The following TULP4 variants were observed in gnomAD, a reference collection of about 807,000 sequenced individuals.
TULP4 encodes the protein tubby-related protein 4.
Under a neutral mutation model 129.0 loss-of-function variants are expected in TULP4, and 16 were observed. That is an observed-to-expected ratio of 0.12 (90% CI 0.08 to 0.19). The LOEUF is 0.19. Ranked by LOEUF, TULP4 falls within the 10% of genes least tolerant of loss-of-function variation. TULP4 has a pLI of 1.00. For missense variants in TULP4, 1,842 were observed against 2,059.1 expected, an observed-to-expected ratio of 0.89 and a Z score of 2.04; for synonymous variants, 998 against 854.0, an observed-to-expected ratio of 1.17 and a Z score of -2.94.
intron 1 of TULP4, among the ~76,000 whole-genome samples, chr6:158,289,612 A>G (rs1778895614): frequency 6.6e-6 from 1 of 152,048 alleles, no homozygotes; most frequent in Non-Finnish European, 1.5e-5. Flanking sequence ...ACAGCGTCTC[A>G]TTTTGTGGTC....
At chr6:158,428,618 ATT>A (rs373847644) in intron 2 of TULP4, among the ~76,000 whole-genome samples, 3 of 150,266 alleles carry the variant, frequency 2.0e-5, no homozygotes, top group Non-Finnish European at 3.0e-5. Flanking sequence ...TTTCAGTTAG[ATT>A]TTTTTTTTTC....
At chr6:158,435,958 G>A (rs1419627311) in intron 3 of TULP4, among the ~76,000 whole-genome samples, 1 of 150,482 alleles carries the variant, frequency 6.6e-6, no homozygotes, top group Non-Finnish European at 1.5e-5. Context: ...GTGGAGTCTC[G>A]CTCTGTCGCC....
chr6:158,452,058 C>T, intron 4 of TULP4, 76 bp from the exon 5 acceptor site: 1 of 1,579,118 alleles, frequency 6.3e-7, no homozygotes, highest in Non-Finnish European at 8.6e-7. Context: ...AGGCACCATG[C>T]AAGATTTCAG....
chr6:158,409,870 T>G (rs973112496), intron 1 of TULP4, among the ~76,000 whole-genome samples: 2 of 152,268 alleles, frequency 1.3e-5, no homozygotes, highest in Non-Finnish European at 2.9e-5. Flanking sequence ...CTTTTTTTTT[T>G]TTAGAGGTGG....
At chr6:158,481,425 C>A in intron 8 of TULP4, 136 bp downstream of exon 8, 1 of 765,730 alleles carries the variant, frequency 1.3e-6, no homozygotes, top group South Asian at 1.6e-5. Context: ...ATCCTTGAAG[C>A]TACGACATTT....
At chr6:158,388,383 G>C (rs1020348050) in intron 1 of TULP4, among the ~76,000 whole-genome samples, 1 of 135,562 alleles carries the variant, frequency 7.4e-6, no homozygotes, top group Non-Finnish European at 1.5e-5. Flanking sequence ...AGGCTGGAGT[G>C]CAGTGGGGTG....
At chr6:158,388,727 T>G (rs1777515945) in intron 1 of TULP4, among the ~76,000 whole-genome samples, 1 of 152,116 alleles carries the variant, frequency 6.6e-6, no homozygotes, top group Non-Finnish European at 1.5e-5. Context: ...ACAAATCACT[T>G]GAAAAATAAA....
At chr6:158,506,205 G>T (rs968115426) in intron 13 of TULP4, among the ~76,000 whole-genome samples, 10 of 144,032 alleles carry the variant, frequency 6.9e-5, no homozygotes, top group Non-Finnish European at 7.5e-5. Flanking sequence ...CCCGGCTGTC[G>T]CCTTGCTCGC....
At chr6:158,246,221 GC>G (rs1240987934) in intron 1 of TULP4, among the ~76,000 whole-genome samples, 1 of 152,126 alleles carries the variant, frequency 6.6e-6, no homozygotes, top group Non-Finnish European at 1.5e-5. Context: ...ATACATCTGG[GC>G]CGGGCATGGT....
chr6:158,439,700 C>CTTTT lies in TULP4; in HGVS notation c.544-9270_544-9267dup, dbSNP rs71030170. ...CATGTAAGCTCTTGTACTAGAGTTT[C>CTTTT]TTTTTTTTTTTTTTTTTTTTTTTTT... On this transcript the variant is annotated intron_variant, in intron 3 of 13. Coordinates refer to ENST00000367097, the MANE Select transcript of TULP4 (RefSeq NM_020245.5). 3.0e-3 allele frequency among the ~76,000 whole-genome samples: 202 copies of CTTTT among 68,254 alleles called. 40 individuals carry two copies. Among genetic ancestry groups the CTTTT allele is most frequent in the African/African-American group, 7.1e-3 (119 of 16,744 alleles). 44.8% of individuals were successfully genotyped at this position (68,254 alleles called of 152,430 possible). A position where few individuals can be genotyped will look rare whatever the true frequency, so the allele number is the denominator to read the frequency against.
rs117339766 is a variant in TULP4, at chr6:158,328,022, A to G, written c.252+13754A>G. 6.5e-3 allele frequency among the ~76,000 whole-genome samples: 983 copies of G among 151,694 alleles called. 4 individuals carry two copies. Among genetic ancestry groups the G allele is most frequent in the Middle Eastern group, 0.02 (6 of 294 alleles). ...CGTAGTGGTCCAGTTTCTTTCAGTA[A>G]GAAACTTCCAGTCACACACCTGTGA... On this transcript the variant is annotated intron_variant, in intron 1 of 13. Coordinates refer to ENST00000367097, the MANE Select transcript of TULP4 (RefSeq NM_020245.5).
chr6:158,465,653 TG>T (rs1779539685), intron 6 of TULP4, among the ~76,000 whole-genome samples: 1 of 151,488 alleles, frequency 6.6e-6, no homozygotes, highest in African/African-American at 2.4e-5. Context: ...CCAGTATGAG[TG>T]ATGCTGGCCC....
intron 5 of TULP4, among the ~76,000 whole-genome samples, chr6:158,454,019 C>CTT (rs770740499): frequency 3.0e-5 from 2 of 66,116 alleles, no homozygotes; most frequent in African/African-American, 1.4e-4. Flanking sequence ...TGCCTCTGCA[C>CTT]CGCCCCCCCC....
Position 158,502,052 on chromosome 6 carries a change from C to A in TULP4, c.2389C>A (p.His797Asn). 1 of 1,613,546 alleles carries A rather than the reference C, an allele frequency of 6.2e-7. No individual in the cohort carries two copies. The highest frequency in any genetic ancestry group is 8.5e-7 in the Non-Finnish European group (1 of 1,179,814). The change falls in exon 13 of 14, where the codon CAC becomes AAC. Residue 797 changes from histidine to asparagine, a missense_variant. Physicochemically the swap from His to Asn is moderately conservative, Grantham distance 68. Transcript: ENST00000367097. ...TVGHGDRDHEHLQKSAKALRP... is the reference protein window; with the variant it reads ...TVGHGDRDHENLQKSAKALRP... ...GGGCCATGGAGACCGAGACCACGAA[C>A]ACCTGCAGAAGTCAGCCAAGGCCCT...
At chr6:158,295,397 C>T (rs1192460734) in intron 1 of TULP4, among the ~76,000 whole-genome samples, 3 of 152,028 alleles carry the variant, frequency 2.0e-5, no homozygotes, top group Non-Finnish European at 4.4e-5. Flanking sequence ...TAAAAGTCCC[C>T]CAGGTCTGAT....
Position 158,502,833 on chromosome 6 carries a change from C to T in TULP4, c.3170C>T (p.Ala1057Val), listed in dbSNP as rs1197429844. 6.2e-7 allele frequency: 1 copy of T among 1,613,156 alleles called. No individual in the cohort carries two copies. The highest frequency in any genetic ancestry group is 8.5e-7 in the Non-Finnish European group (1 of 1,179,936). ...SQPGASLAHT[A>V]SASPLASQSS... ...CCCGGAGCCTCCCTGGCCCATACCGCCAGCGCCTCCCCGTTGGCCTCCCAG... is the reference window on the plus strand; with the variant it reads ...CCCGGAGCCTCCCTGGCCCATACCGTCAGCGCCTCCCCGTTGGCCTCCCAG... Residue 1057 changes from alanine to valine, a missense_variant, in exon 13 of 14, where the codon GCC becomes GTC. Ala to Val is a moderately conservative substitution (Grantham distance 64). Transcript: ENST00000367097.
chr6:158,287,390 A>G (rs1778851540), intron 1 of TULP4, among the ~76,000 whole-genome samples: 1 of 152,234 alleles, frequency 6.6e-6, no homozygotes, highest in African/African-American at 2.4e-5. Flanking sequence ...TCTAGAGTAG[A>G]ACAGTTTTAA....
chr6:158,482,646 T>C (rs1562585350), intron 8 of TULP4, among the ~76,000 whole-genome samples: 1 of 152,106 alleles, frequency 6.6e-6, no homozygotes, highest in Admixed American at 6.6e-5. Context: ...TAGAGATGAC[T>C]GGGGTGGGGG....
intron 13 of TULP4, among the ~76,000 whole-genome samples, chr6:158,506,339 C>G (rs533294834): frequency 7.1e-6 from 1 of 140,398 alleles, no homozygotes; most frequent in African/African-American, 2.7e-5. Flanking sequence ...TTACACCATT[C>G]TCCTGCCTCA....
Sources: gnomAD v4.1 joint callset for allele counts (sites outside exome capture counted in the v4.1 genomes callset) on GRCh38, gnomAD v4.1.1 for gene constraint, MANE v1.5 for transcripts, NCBI Gene and HGNC (gene_info 2026-07-23, HGNC 2026-07-21) for gene names.